Variants in SOX6 observed in about 807,000 individuals in gnomAD.
SOX6 encodes SRY-box transcription factor 6, also known as transcription factor SOX-6.
A neutral mutation model predicts 97.8 loss-of-function variants in SOX6; 11 were observed. That is an observed-to-expected ratio of 0.11 (90% CI 0.07 to 0.19). The LOEUF is 0.19. SOX6 is among the 10% of genes least tolerant of loss of function. The probability of loss-of-function intolerance (pLI) is 1.00; values close to 1 mark genes in which losing one functional copy is unlikely to be tolerated. For missense variants in SOX6, 810 were observed against 1,039.5 expected (o/e 0.78, Z 3.04); for synonymous variants, 360 against 371.4 (o/e 0.97, Z 0.35).
intron 12 of SOX6, among the ~76,000 whole-genome samples, chr11:16,019,580 CTATT>C (rs1258490640): frequency 3.9e-5 from 6 of 152,110 alleles, no homozygotes. Flanking sequence ...GCCAAATACT[CTATT>C]TATGTATATA....
rs772337185 is a variant in SOX6, at chr11:16,049,892, G to C, written c.1298C>G (p.Thr433Arg). The C allele has an allele frequency of 2.9e-5, 47 of 1,613,636 alleles. No homozygotes were observed. The highest frequency in any genetic ancestry group is 1.3e-4 in the African/African-American group (10 of 74,856). ...QPLNLSSRPKTAEPVKSPTSP... is the reference protein window; with the variant it reads ...QPLNLSSRPKRAEPVKSPTSP... ...CGTTGGGGACTTTACAGGCTCTGCT[G>C]TCTTGGGTCGGGATGAGAGATTCAG... The change falls in exon 11 of 16, where the codon ACA becomes AGA. Residue 433 changes from threonine to arginine, a missense_variant. Physicochemically the swap from Thr to Arg is moderately conservative, Grantham distance 71. This residue lies in a region of SOX6 where 244 missense variants were observed against 261.0 expected (regional missense o/e 0.93). Transcript: ENST00000683767.
chr11:16,310,074 T>G (rs1855553681), intron 3 of SOX6, among the ~76,000 whole-genome samples: 1 of 152,078 alleles, frequency 6.6e-6, no homozygotes, highest in Non-Finnish European at 1.5e-5. Flanking sequence ...TTCAAATGAA[T>G]TTTTAAATCT....
At chr11:16,522,922 A>G (rs1419601065) in intron 4 of SOX6, among the ~76,000 whole-genome samples, 2 of 152,234 alleles carry the variant, frequency 1.3e-5, no homozygotes, top group Admixed American at 6.5e-5. Flanking sequence ...ATTCAACAAG[A>G]AGAGCTAACT....
chr11:16,122,587 C>T (rs146558577), intron 6 of SOX6, among the ~76,000 whole-genome samples: 58 of 152,120 alleles, frequency 3.8e-4, no homozygotes, highest in Non-Finnish European at 6.8e-4. Flanking sequence ...GCTTTCACCT[C>T]TGAAGTATTT....
At chr11:16,193,984 T>C (rs1372860222) in intron 4 of SOX6, among the ~76,000 whole-genome samples, 4 of 152,304 alleles carry the variant, frequency 2.6e-5, no homozygotes, top group South Asian at 2.1e-4. Context: ...TCATTTAGCA[T>C]TGGCCGTTTT....
intron 3 of SOX6, among the ~76,000 whole-genome samples, chr11:16,639,234 G>T (rs1346081763): frequency 6.6e-6 from 1 of 152,102 alleles, no homozygotes; most frequent in Non-Finnish European, 1.5e-5. Context: ...TAGATGTGTG[G>T]CATTATTTCT....
chr11:16,234,691 A>T lies in SOX6; in HGVS notation c.446-20T>A. The T allele has an allele frequency of 7.6e-7, 1 of 1,322,062 alleles. No homozygotes were observed. The highest frequency in any genetic ancestry group is 1.1e-6 in the Non-Finnish European group (1 of 951,384). 81.9% of individuals were successfully genotyped at this position (1,322,062 alleles called of 1,614,324 possible). On this transcript the variant is annotated intron_variant, in intron 3 of 15. Transcript: ENST00000683767. ...AGGAATCTATTAAAATACAAAAGTA[A>T]GTATTAAAAATATATATTTATTACA...
Position 16,455,343 on chromosome 11 carries a change from T to A in SOX6, c.-5+20972A>T, listed in dbSNP as rs141079071. 6.4e-4 allele frequency among the ~76,000 whole-genome samples: 97 copies of A among 152,106 alleles called. 1 individual carries two copies. Among genetic ancestry groups the A allele is most frequent in the African/African-American group, 2.2e-3 (91 of 41,566 alleles). On this transcript the variant is annotated intron_variant, in intron 1 of 15. Coordinates refer to the SOX6 transcript ENST00000396356. ...GTAGTTCGACTTGAATAATTAGGAT[T>A]TGTAAGTAGAAATATGAATTTGAAT... is the stretch of plus-strand genomic sequence containing the variant.
chr11:16,404,650 G>A (rs1858647317), intron 1 of SOX6, among the ~76,000 whole-genome samples: 1 of 151,868 alleles, frequency 6.6e-6, no homozygotes, highest in Non-Finnish European at 1.5e-5. Flanking sequence ...AAATTTGACA[G>A]GTATGTTTTC....
chr11:16,624,168 G>C (rs939112095), intron 3 of SOX6, among the ~76,000 whole-genome samples: 1 of 87,628 alleles, frequency 1.1e-5, no homozygotes, highest in Non-Finnish European at 2.5e-5. Context: ...TTCAGTGAAA[G>C]ATTTTTATTT....
intron 4 of SOX6, among the ~76,000 whole-genome samples, chr11:16,544,040 TA>T (rs1218056492): frequency 6.6e-6 from 1 of 151,884 alleles, no homozygotes; most frequent in East Asian, 1.9e-4. Context: ...TATTCGCCAA[TA>T]AAAATAAAGT....
chr11:16,243,804 G>A (rs1402277322), intron 3 of SOX6, among the ~76,000 whole-genome samples: 1 of 151,848 alleles, frequency 6.6e-6, no homozygotes, highest in African/African-American at 2.4e-5. Flanking sequence ...CATTCACTCA[G>A]CATAAAGTTC....
chr11:16,471,686 G>A (rs537651802), intron 1 of SOX6, among the ~76,000 whole-genome samples: 18 of 152,220 alleles, frequency 1.2e-4, no homozygotes, highest in Non-Finnish European at 2.4e-4. Context: ...CAACAAATGA[G>A]AGAACTAGAA....
intron 3 of SOX6, among the ~76,000 whole-genome samples, chr11:16,681,135 C>T (rs1847924196): frequency 6.6e-6 from 1 of 152,192 alleles, no homozygotes; most frequent in Non-Finnish European, 1.5e-5. Context: ...AAACCCTCCA[C>T]CCCAAATCAA....
chr11:16,203,990 C>A (rs1436701165), intron 4 of SOX6, among the ~76,000 whole-genome samples: 1 of 151,832 alleles, frequency 6.6e-6, no homozygotes, highest in African/African-American at 2.4e-5. Flanking sequence ...TAGCCTAAAA[C>A]CTTATATCAA....
At chr11:16,687,128 A>C (rs1455020482) in intron 3 of SOX6, among the ~76,000 whole-genome samples, 1 of 152,238 alleles carries the variant, frequency 6.6e-6, no homozygotes, top group Non-Finnish European at 1.5e-5. Flanking sequence ...CTGTGTCAAA[A>C]AAACAAAAAA....
Position 16,098,747 on chromosome 11 carries a change from T to C in SOX6, c.899-1059A>G, listed in dbSNP as rs190115884. Among the ~76,000 whole-genome samples, 210 of 151,976 alleles carry C rather than the reference T, an allele frequency of 1.4e-3. 2 individuals carry two copies. Among genetic ancestry groups the C allele is most frequent in the African/African-American group, 4.7e-3 (196 of 41,518 alleles). On this transcript the variant is annotated intron_variant, in intron 7 of 15. Coordinates refer to ENST00000683767, the MANE Select transcript of SOX6 (RefSeq NM_001367873.1). ...CACACATTTTTGACATTTATAATAA[T>C]CATGTTGTTTTGCATGAACTTTCCA...
chr11:16,119,380 A>G (rs188827888), intron 6 of SOX6, among the ~76,000 whole-genome samples: 1 of 152,290 alleles, frequency 6.6e-6, no homozygotes, highest in African/African-American at 2.4e-5. Context: ...AAATTTTAAT[A>G]CTCTGCTTCG....
intron 6 of SOX6, among the ~76,000 whole-genome samples, chr11:16,160,750 G>T (rs1234703840): frequency 1.3e-5 from 2 of 152,084 alleles, no homozygotes; most frequent in Non-Finnish European, 2.9e-5. Flanking sequence ...CTTTCCTGAA[G>T]CCTACAAAAG....
Sources: allele counts gnomAD v4.1 joint callset (sites outside exome capture counted in the v4.1 genomes callset), GRCh38; gene constraint gnomAD v4.1.1; regional missense constraint gnomAD v4.1.1; transcripts MANE v1.5; gene names NCBI Gene and HGNC (gene_info 2026-07-23, HGNC 2026-07-21).